CAPN11: variants seen among roughly 807,000 people sequenced by gnomAD.
The protein encoded by CAPN11 is calpain-11.
CAPN11 carries 108 observed loss-of-function variants against 105.3 expected under a neutral mutation model. The ratio of observed to expected loss-of-function variants is 1.03; its 90% confidence interval spans 0.88 to 1.20. The LOEUF (loss-of-function observed/expected upper bound fraction) is 1.20. CAPN11 is among the 50% of genes most tolerant of loss of function. The probability of loss-of-function intolerance (pLI) is 0.00; values close to 1 mark genes in which losing one functional copy is unlikely to be tolerated. For synonymous variants in CAPN11, 329 were observed against 344.5 expected (o/e 0.96, Z 0.50); for missense variants, 883 against 924.8 (o/e 0.95, Z 0.59).
rs758589368 is a variant in CAPN11 at position 44,176,825 on chromosome 6, C to A, written c.1077-13C>A. ...GTGTGCTGCTGACGGGCTCCACCCC[C>A]ACCCCACCACAGGATGTCCTACCAA... On this transcript the variant is annotated splice_polypyrimidine_tract_variant and intron_variant, in intron 10 of 22. Transcript: ENST00000398776. The A allele has an allele frequency of 6.2e-7, 1 of 1,613,450 alleles. No homozygotes were observed. The highest frequency in any genetic ancestry group is 1.1e-5 in the South Asian group (1 of 91,042).
chr6:44,169,506 A>G lies in CAPN11; in HGVS notation c.314A>G (p.Gln105Arg), dbSNP rs766710171. The G allele has an allele frequency of 6.3e-7, 1 of 1,597,006 alleles. No homozygotes were observed. The highest frequency in any genetic ancestry group is 8.5e-7 in the Non-Finnish European group (1 of 1,171,950). ...KDLGPNSKNV[Q>R]NISWQRPKDI... is the part of the protein sequence containing the mutation. ...CTGGGCCCCAACTCCAAAAATGTGC[A>G]GAACATCTCCTGGCAGCGGCCCAAG... is the stretch of plus-strand genomic sequence containing the variant. Residue 105 changes from glutamine (Q) to arginine (R), a missense_variant, in exon 3 of 23, where the codon CAG becomes CGG. Gln to Arg is a conservative substitution (Grantham distance 43, BLOSUM62 1). Transcript: ENST00000398776.
chr6:44,176,110 C>G lies in CAPN11; in HGVS notation c.874C>G (p.Leu292Val), dbSNP rs754075004. ...SELESMTDKMLVRGHAYSVTG... is the reference protein window; with the variant it reads ...SELESMTDKMVVRGHAYSVTG... ...ACTGGAATCCATGACTGACAAGATG[C>G]TGGTGAGAGGGCACGCTTACTCTGT... The change falls in exon 8 of 23, where the codon CTG (leucine) becomes GTG (valine). Residue 292 changes from leucine to valine, a missense_variant. By Grantham distance (32) the Leu-to-Val change is conservative. Coordinates refer to ENST00000398776, the MANE Select transcript of CAPN11 (RefSeq NM_007058.4). 10 of 1,613,226 alleles carry G rather than the reference C, an allele frequency of 6.2e-6. 1 individual carries two copies. The highest frequency in any genetic ancestry group is 5.5e-5 in the South Asian group (5 of 90,934).
chr6:44,163,321 CCT>C (rs959150934), intron 1 of CAPN11, among the ~76,000 whole-genome samples: 9 of 152,206 alleles, frequency 5.9e-5, no homozygotes, highest in Admixed American at 5.2e-4. Flanking sequence ...CTCAACACCC[CCT>C]GTCAGCTGCT....
chr6:44,158,846 A>G lies in CAPN11; in HGVS notation c.-3A>G, dbSNP rs1181656920. 1 of 1,551,366 alleles carries G rather than the reference A, an allele frequency of 6.4e-7. No homozygotes were observed. Among genetic ancestry groups the G allele is most frequent in the Non-Finnish European group, 8.7e-7 (1 of 1,146,830 alleles). ...ACTGTCAAGCACCGAGCTAGCCACC[A>G]GCATGCTGTACTCCCCAGGTAGGCA... On this transcript the variant is annotated 5_prime_UTR_variant, in exon 1 of 23. Transcript: ENST00000398776.
intron 2 of CAPN11, 109 bp downstream of exon 2, chr6:44,166,938 T>TGGG: frequency 3.6e-6 from 1 of 276,490 alleles, no homozygotes; most frequent in Non-Finnish European, 7.2e-6. Flanking sequence ...TCATGTTGTG[T>TGGG]GGGGAGGGCG....
At chr6:44,166,950 C>CGGGGGGG in intron 2 of CAPN11, 121 bp downstream of exon 2, 1 of 227,298 alleles carries the variant, frequency 4.4e-6, no homozygotes, top group African/African-American at 2.6e-5. Context: ...GGGAGGGCGG[C>CGGGGGGG]GGGGGGAGGG....
At chr6:44,181,427 CACA>C in intron 19 of CAPN11, 107 bp downstream of exon 19, 2 of 798,390 alleles carry the variant, frequency 2.5e-6, no homozygotes, top group Non-Finnish European at 4.1e-6. Context: ...CACACACACA[CACA>C]CACCCAACCA....
rs145183568 is a variant in CAPN11, at chr6:44,164,581, A to G, written c.17-2177A>G. Among the ~76,000 whole-genome samples the G allele has an allele frequency of 1.4e-3, 216 of 152,276 alleles. 1 individual carries two copies. Among genetic ancestry groups the G allele is most frequent in the African/African-American group, 5.1e-3 (214 of 41,560 alleles). ...AGTGTAGGATGCTAGCGCAGCCCCAAGTTCTGCGCGGACACCACAGGGGAG... is the reference window on the plus strand; with the variant it reads ...AGTGTAGGATGCTAGCGCAGCCCCAGGTTCTGCGCGGACACCACAGGGGAG... On this transcript the variant is annotated intron_variant, in intron 1 of 22. Coordinates refer to ENST00000398776, the MANE Select transcript of CAPN11 (RefSeq NM_007058.4).
rs546164945 is a variant in CAPN11, at chr6:44,179,998, A to G, written c.1475A>G (p.Lys492Arg). 1.1e-5 allele frequency: 17 copies of G among 1,612,170 alleles called. No homozygotes were observed. In the South Asian group the frequency reaches 1.6e-4, roughly 16 times the overall value. ...CACTTGAAGAAGGAATTCTTCACGA[A>G]GTATCAGGACCACGGCTTCTCAGAG... Reference protein sequence around the residue: ...DVHLKKEFFTKYQDHGFSEIF... With the variant: ...DVHLKKEFFTRYQDHGFSEIF... The change falls in exon 14 of 23, where the codon AAG becomes AGG. Residue 492 changes from lysine (K) to arginine (R), a missense_variant. Lys to Arg is a conservative substitution (Grantham distance 26). Coordinates refer to ENST00000398776, the MANE Select transcript of CAPN11 (RefSeq NM_007058.4).
At chr6:44,180,722 G>C in intron 16 of CAPN11, 26 bp from the exon 17 acceptor site, 1 of 1,613,630 alleles carries the variant, frequency 6.2e-7, no homozygotes, top group Non-Finnish European at 8.5e-7. Context: ...AGGGGCCCGA[G>C]TGGGGTTCAC....
intron 22 of CAPN11, 67 bp downstream of exon 22, chr6:44,183,830 C>G: frequency 6.3e-7 from 1 of 1,577,338 alleles, no homozygotes; most frequent in Non-Finnish European, 8.6e-7. Flanking sequence ...CCCACCCCCA[C>G]CCAGCTCTGA....
At chr6:44,178,022 T>A (rs1048918384) in intron 12 of CAPN11, among the ~76,000 whole-genome samples, 2 of 152,158 alleles carry the variant, frequency 1.3e-5, no homozygotes, top group African/African-American at 4.8e-5. Context: ...GCTAGTTTTT[T>A]AAAATTTTTC....
chr6:44,161,354 C>G (rs1413906477), intron 1 of CAPN11, among the ~76,000 whole-genome samples: 1 of 152,144 alleles, frequency 6.6e-6, no homozygotes, highest in Non-Finnish European at 1.5e-5. Flanking sequence ...CATGTGCTAC[C>G]ACACCCAACT....
chr6:44,169,194 A>G lies in CAPN11; in HGVS notation c.89-87A>G, dbSNP rs565764299. On this transcript the variant is annotated intron_variant, in intron 2 of 22. Coordinates refer to ENST00000398776, the MANE Select transcript of CAPN11 (RefSeq NM_007058.4). ...AGAGATCCTCCCACCTCAGCCTCCC[A>G]AAGTGCTGAGATTACAGGAGTGAAC... is the stretch of plus-strand genomic sequence containing the variant. The G allele has an allele frequency of 5.8e-6, 8 of 1,388,596 alleles. No homozygotes were observed. The East Asian group carries it at 1.3e-4, about 22-fold the overall frequency. The allele number at this position is 1,388,596 out of a possible 1,614,324, so 86.0% of individuals were successfully genotyped here.
chr6:44,159,909 T>G (rs1378263387), intron 1 of CAPN11, among the ~76,000 whole-genome samples: 1 of 150,376 alleles, frequency 6.6e-6, no homozygotes, highest in East Asian at 2.0e-4. Context: ...CCAAGGCAGG[T>G]GGATCATCTG....
chr6:44,166,179 G>C (rs1409377797), intron 1 of CAPN11, among the ~76,000 whole-genome samples: 1 of 152,116 alleles, frequency 6.6e-6, no homozygotes, highest in Non-Finnish European at 1.5e-5. Context: ...CAAGAGGAAG[G>C]GGGATAAGTT....
At chr6:44,174,687 T>A (rs1288589167) in intron 7 of CAPN11, among the ~76,000 whole-genome samples, 1 of 146,986 alleles carries the variant, frequency 6.8e-6, no homozygotes, top group Non-Finnish European at 1.5e-5. Flanking sequence ...TGATGCGATC[T>A]CGTTTCACTG....
At chr6:44,162,065 G>T in intron 1 of CAPN11, 6 of 364,612 alleles carry the variant, frequency 1.6e-5, no homozygotes, top group South Asian at 1.2e-4. Context: ...ACCTGCCCCA[G>T]TTATGACAAC....
intron 19 of CAPN11, among the ~76,000 whole-genome samples, chr6:44,181,574 C>CCA (rs1246245984): frequency 0.016 from 78 of 4,906 alleles, 5 homozygotes; most frequent in Admixed American, 0.03. Flanking sequence ...CACAACCACA[C>CCA]CACACATACA....
Sources: gnomAD v4.1 joint callset for allele counts (sites outside exome capture counted in the v4.1 genomes callset) on GRCh38, gnomAD v4.1.1 for gene constraint, MANE v1.5 for transcripts, NCBI Gene and HGNC (gene_info 2026-07-23, HGNC 2026-07-21) for gene names.